FMNL3: variants seen among roughly 807,000 people sequenced by gnomAD.
The protein encoded by FMNL3 is formin like 3, also known as formin-like protein 3.
FMNL3 carries 57 observed loss-of-function variants against 119.6 expected under a neutral mutation model. The observed-to-expected ratio is 0.48, with a 90% confidence interval of 0.39 to 0.59. The LOEUF (loss-of-function observed/expected upper bound fraction) is 0.59, where lower values mean the gene tolerates loss of function less well. FMNL3 is among the 20% of genes least tolerant of loss of function. FMNL3 has a pLI of 0.00. For synonymous variants in FMNL3, 491 were observed against 507.3 expected (o/e 0.97, Z 0.43); for missense variants, 1,053 against 1,323.5 (o/e 0.80, Z 3.17).
intron 5 of FMNL3, 163 bp downstream of exon 5, chr12:49,661,803 G>C (rs774256785): frequency 2.6e-5 from 17 of 656,166 alleles, no homozygotes; most frequent in Non-Finnish European, 4.4e-5. Flanking sequence ...GACATCTCCG[G>C]GCTTGCCTGC....
At chr12:49,683,411 A>C (rs982380498) in intron 1 of FMNL3, among the ~76,000 whole-genome samples, 3 of 152,116 alleles carry the variant, frequency 2.0e-5, no homozygotes, top group Non-Finnish European at 2.9e-5. Flanking sequence ...AGTTAACTCT[A>C]ATCTAGCAAG....
chr12:49,647,788 A>G lies in FMNL3; in HGVS notation c.2693T>C (p.Val898Ala). 1.2e-6 allele frequency: 2 copies of G among 1,614,022 alleles called. No individual in the cohort carries two copies. The highest frequency in any genetic ancestry group is 1.7e-5 in the Admixed American group (1 of 60,024). The change falls in exon 23 of 26, where the codon GTT becomes GCT. Residue 898 changes from valine to alanine, a missense_variant. Val to Ala is a moderately conservative substitution (Grantham distance 64, BLOSUM62 0). Transcript: ENST00000335154. The surrounding 1 kb of genome is among the most constrained non-coding windows in gnomAD (Gnocchi z 4.9). ...GGGACTCTCGCCAAAGTAGCGCACA[A>G]CTGCATTGTAGGCCTCCTGGGGAAG... The part of the protein sequence containing the change: ...AKTAEEAYNA[V>A]VRYFGESPKT...
intron 1 of FMNL3, among the ~76,000 whole-genome samples, chr12:49,672,287 G>C (rs1389099561): frequency 1.3e-5 from 2 of 152,072 alleles, no homozygotes; most frequent in Non-Finnish European, 2.9e-5. Context: ...TCATTATCTT[G>C]AGGGGTGGGG....
At position 49,707,279 on chromosome 12, in the gene FMNL3, C is replaced by G; in HGVS notation, c.-99G>C. The G allele has an allele frequency of 6.7e-6, 8 of 1,187,470 alleles. No individual in the cohort carries two copies. Among genetic ancestry groups the G allele is most frequent in the Non-Finnish European group, 8.9e-6 (8 of 899,554 alleles). 73.6% of individuals were successfully genotyped at this position (1,187,470 alleles called of 1,614,324 possible). ...CAGGCTCCTCCCTCAGCGCCGGCTCCCCGAGTCCCGACTCCTCGGCCCCGT... is the reference window on the plus strand; with the variant it reads ...CAGGCTCCTCCCTCAGCGCCGGCTCGCCGAGTCCCGACTCCTCGGCCCCGT... On this transcript the variant is annotated 5_prime_UTR_variant, in exon 1 of 26. Transcript: ENST00000335154.
At position 49,644,144 on chromosome 12, in the gene FMNL3, G is replaced by C; in HGVS notation, c.*1671C>G. ...AAAGTGAGCTGAGTGAGGGTGAGCT[G>C]GAGAGGCGGCGGCGGACACTCCTAC... On this transcript the variant is annotated 3_prime_UTR_variant, in exon 26 of 26. Coordinates refer to ENST00000335154, the MANE Select transcript of FMNL3 (RefSeq NM_175736.5). The C allele has an allele frequency of 6.2e-7, 1 of 1,614,180 alleles. No individual in the cohort carries two copies. The highest frequency in any genetic ancestry group is 1.1e-5 in the South Asian group (1 of 91,084).
chr12:49,693,661 T>C (rs958826581), intron 1 of FMNL3, among the ~76,000 whole-genome samples: 5 of 139,258 alleles, frequency 3.6e-5, no homozygotes, highest in Non-Finnish European at 7.7e-5. Flanking sequence ...TTTTTTTTTT[T>C]TTTTGAGACA....
At chr12:49,705,532 G>C (rs1291919511) in intron 1 of FMNL3, among the ~76,000 whole-genome samples, 3 of 152,128 alleles carry the variant, frequency 2.0e-5, no homozygotes, top group Non-Finnish European at 2.9e-5. Context: ...ACTTGTGTCA[G>C]CTTGCTGGGG....
chr12:49,706,066 G>A (rs1853084784), intron 1 of FMNL3, among the ~76,000 whole-genome samples: 1 of 152,302 alleles, frequency 6.6e-6, no homozygotes, highest in South Asian at 2.1e-4. Flanking sequence ...GGGGAAGTGA[G>A]AACTATTTCC....
Position 49,637,174 on chromosome 12 carries a change from G to T in FMNL3, c.*8641C>A. On this transcript the variant is annotated 3_prime_UTR_variant, in exon 26 of 26. Transcript: ENST00000335154. ...GCAGAGTTTATTCCCTCAGCTTGGG[G>T]GTGGCAGTGGTGGTGGTAGTGCTAG... 1.7e-6 allele frequency: 1 copy of T among 572,238 alleles called. No individual in the cohort carries two copies. 35.4% of individuals were successfully genotyped at this position (572,238 alleles called of 1,614,324 possible). A position where few individuals can be genotyped will look rare whatever the true frequency, so the allele number is the denominator to read the frequency against.
At chr12:49,704,140 CTAT>C (rs1944981693) in intron 1 of FMNL3, among the ~76,000 whole-genome samples, 1 of 152,076 alleles carries the variant, frequency 6.6e-6, no homozygotes, top group South Asian at 2.1e-4. Flanking sequence ...GTGGCAAATG[CTAT>C]TATTATCCCC....
In FMNL3 at chr12:49,637,685, C is replaced by A. The variant is rs760430553; in HGVS notation, c.*8130G>T. 1.4e-6 allele frequency: 2 copies of A among 1,475,342 alleles called. No homozygotes were observed. Among genetic ancestry groups the A allele is most frequent in the Non-Finnish European group, 1.9e-6 (2 of 1,071,390 alleles). 91.4% of individuals were successfully genotyped at this position (1,475,342 alleles called of 1,614,324 possible). On this transcript the variant is annotated 3_prime_UTR_variant, in exon 26 of 26. Transcript: ENST00000335154. ...TCCTGTCCTCGGCCCAGCCCCCAGGCCTTGGGAAGCTGCCGCCCGCCAGGC... is the reference window on the plus strand; with the variant it reads ...TCCTGTCCTCGGCCCAGCCCCCAGGACTTGGGAAGCTGCCGCCCGCCAGGC...
intron 2 of FMNL3, among the ~76,000 whole-genome samples, chr12:49,667,330 G>A (rs1943919116): frequency 6.6e-6 from 1 of 152,180 alleles, no homozygotes; most frequent in Non-Finnish European, 1.5e-5. Flanking sequence ...AAGACTGAGA[G>A]ATCAATTAAA....
At chr12:49,677,452 C>G (rs1284669479) in intron 1 of FMNL3, among the ~76,000 whole-genome samples, 5 of 152,116 alleles carry the variant, frequency 3.3e-5, no homozygotes, top group Non-Finnish European at 5.9e-5. Context: ...AGTTTCCTCA[C>G]CTGTAAAATG....
At chr12:49,657,705 A>G (rs1316438923) in intron 6 of FMNL3, among the ~76,000 whole-genome samples, 1 of 152,236 alleles carries the variant, frequency 6.6e-6, no homozygotes. Flanking sequence ...TTTCATGGAA[A>G]AGGGAGGAGA....
chr12:49,688,548 CA>C (rs1944525359), intron 1 of FMNL3: 8 of 455,862 alleles, frequency 1.8e-5, no homozygotes, highest in South Asian at 1.2e-4. Flanking sequence ...CAGGGCTTTG[CA>C]AAAGTTGTTC....
intron 5 of FMNL3, 89 bp from the exon 6 acceptor site, chr12:49,658,683 C>G: frequency 2.1e-6 from 3 of 1,426,908 alleles, no homozygotes; most frequent in South Asian, 2.9e-5. Context: ...CCACCCCCAC[C>G]CTTCAGGCCT....
rs1269785193 is a variant in FMNL3, at chr12:49,644,032, A to T, written c.*1783T>A. 6.2e-7 allele frequency: 1 copy of T among 1,614,168 alleles called. No individual in the cohort carries two copies. The highest frequency in any genetic ancestry group is 1.3e-5 in the African/African-American group (1 of 75,074). On this transcript the variant is annotated 3_prime_UTR_variant, in exon 26 of 26. Coordinates refer to ENST00000335154, the MANE Select transcript of FMNL3 (RefSeq NM_175736.5). Reference sequence around the variant, plus strand: ...GAGGGGCAGGGGCCCTAGGCCAGTCAGCACGCTGGTCAAGCTTCCACGGCC... The same window carrying T: ...GAGGGGCAGGGGCCCTAGGCCAGTCTGCACGCTGGTCAAGCTTCCACGGCC...
rs546579404 is a variant in FMNL3, at chr12:49,664,735, T to C, written c.368+1097A>G. 1.3e-4 allele frequency among the ~76,000 whole-genome samples: 20 copies of C among 152,286 alleles called. No individual in the cohort carries two copies. In the East Asian group the frequency reaches 3.7e-3, roughly 28 times the overall value. ...TTACTGAGGCCAGGAACCATCCCTTTCCTGTTCTCTCCTGTGCTGTTTCCC... is the reference window on the plus strand; with the variant it reads ...TTACTGAGGCCAGGAACCATCCCTTCCCTGTTCTCTCCTGTGCTGTTTCCC... On this transcript the variant is annotated intron_variant, in intron 4 of 25. Coordinates refer to ENST00000335154, the MANE Select transcript of FMNL3 (RefSeq NM_175736.5).
rs921269539 is a variant in FMNL3 at position 49,639,263 on chromosome 12, A to T, written c.*6552T>A. The T allele has an allele frequency of 6.6e-6, 1 of 152,220 alleles. No homozygotes were observed. Among genetic ancestry groups the T allele is most frequent in the Admixed American group, 6.5e-5 (1 of 15,286 alleles). The allele number at this position is 152,220 out of a possible 1,614,324, so 9.4% of individuals were successfully genotyped here. On this transcript the variant is annotated 3_prime_UTR_variant, in exon 26 of 26. Transcript: ENST00000335154. ...GTAGAGCAGTTCTTGAAGCCTCAAG[A>T]TACTAAAACTGATAGTGGTAATTCA...
Sources: gnomAD v4.1 joint callset for allele counts (sites outside exome capture counted in the v4.1 genomes callset) on GRCh38, gnomAD v4.1.1 for gene constraint, Gnocchi (gnomAD v3.1) non-coding constraint, MANE v1.5 for transcripts, NCBI Gene and HGNC (gene_info 2026-07-23, HGNC 2026-07-21) for gene names.